Variants in CNOT2 observed in about 807,000 individuals in gnomAD.
CNOT2 encodes the protein CC chemokine receptor 4-negative regulator of transcription 2.
Under a neutral mutation model 72.1 loss-of-function variants are expected in CNOT2, and 7 were observed. The observed-to-expected ratio is 0.10, with a 90% CI of 0.06 to 0.18. The LOEUF (loss-of-function observed/expected upper bound fraction) is 0.18, where lower values mean the gene tolerates loss of function less well. Among genes scored for constraint, CNOT2 ranks in the 10% least tolerant of loss-of-function variants. The probability of loss-of-function intolerance (pLI) is 1.00; values close to 1 mark genes in which losing one functional copy is unlikely to be tolerated. For synonymous variants in CNOT2, 196 were observed against 225.6 expected (o/e 0.87, Z 1.17); for missense variants, 345 against 660.3 (o/e 0.52, Z 5.23).
At chr12:70,349,965 A>C (rs912833607) in intron 15 of CNOT2, among the ~76,000 whole-genome samples, 2 of 151,730 alleles carry the variant, frequency 1.3e-5, no homozygotes, top group African/African-American at 4.8e-5. Context: ...CTGTGATTGC[A>C]TCACTATACT....
intron 1 of CNOT2, among the ~76,000 whole-genome samples, chr12:70,264,200 C>T (rs902951035): frequency 1.3e-5 from 2 of 152,090 alleles, no homozygotes; most frequent in East Asian, 3.9e-4. Flanking sequence ...TTATGAACTG[C>T]GGAGGTCTGT....
chr12:70,249,132 G>A (rs779396010), intron 1 of CNOT2, among the ~76,000 whole-genome samples: 5 of 151,948 alleles, frequency 3.3e-5, no homozygotes, highest in East Asian at 1.9e-4. Flanking sequence ...TGAGAGAGGA[G>A]CATTTGGTTT....
At chr12:70,282,109 T>A (rs936307484) in intron 2 of CNOT2, among the ~76,000 whole-genome samples, 1 of 152,172 alleles carries the variant, frequency 6.6e-6, no homozygotes, top group Admixed American at 6.5e-5. Flanking sequence ...ATGCATGTTG[T>A]TCCAATAAAA....
intron 1 of CNOT2, among the ~76,000 whole-genome samples, chr12:70,258,472 A>G (rs1045920172): frequency 6.6e-6 from 1 of 152,230 alleles, no homozygotes; most frequent in African/African-American, 2.4e-5. Context: ...GTATTTGAAA[A>G]TAGTATTTTG....
chr12:70,333,355 T>G (rs1880229767), intron 7 of CNOT2, among the ~76,000 whole-genome samples: 1 of 151,984 alleles, frequency 6.6e-6, no homozygotes, highest in African/African-American at 2.4e-5. Context: ...ATGTATAAAA[T>G]TTAGTTACAT....
chr12:70,275,410 T>TA (rs1475644904), intron 1 of CNOT2, among the ~76,000 whole-genome samples: 2 of 152,084 alleles, frequency 1.3e-5, no homozygotes, highest in Non-Finnish European at 2.9e-5. Flanking sequence ...CAAATATATT[T>TA]AAAAAATTTA....
chr12:70,250,468 ATTG>A (rs1381197971), intron 1 of CNOT2, among the ~76,000 whole-genome samples: 1 of 152,012 alleles, frequency 6.6e-6, no homozygotes, highest in Non-Finnish European at 1.5e-5. Flanking sequence ...TGACATTGTT[ATTG>A]GATATATGAC....
At chr12:70,347,448 G>C (rs1882324052) in intron 15 of CNOT2, 1 of 152,006 alleles carries the variant, frequency 6.6e-6, no homozygotes, top group African/African-American at 2.4e-5. Flanking sequence ...CTGGGTAACA[G>C]AGAAACCCCG....
chr12:70,260,327 T>C (rs997421805), intron 1 of CNOT2, among the ~76,000 whole-genome samples: 19 of 152,252 alleles, frequency 1.2e-4, no homozygotes, highest in Non-Finnish European at 2.2e-4. Context: ...TGTTTTGTAG[T>C]TTTTATGGTA....
chr12:70,298,590 C>A (rs976507577), intron 2 of CNOT2, among the ~76,000 whole-genome samples: 1 of 152,076 alleles, frequency 6.6e-6, no homozygotes, highest in African/African-American at 2.4e-5. Context: ...TTCCCTGGCA[C>A]AATAATTTAT....
At chr12:70,328,921 T>C (rs906707865) in intron 4 of CNOT2, among the ~76,000 whole-genome samples, 1 of 151,926 alleles carries the variant, frequency 6.6e-6, no homozygotes, top group African/African-American at 2.4e-5. Flanking sequence ...TTGAGAAATA[T>C]GTATAAATAG....
At chr12:70,351,850 A>T (rs1203492647) in intron 15 of CNOT2, among the ~76,000 whole-genome samples, 1 of 152,192 alleles carries the variant, frequency 6.6e-6, no homozygotes, top group Non-Finnish European at 1.5e-5. Flanking sequence ...GGAGAGGGGG[A>T]GTAGTGCTAC....
At chr12:70,253,852 A>T (rs1270381032) in intron 1 of CNOT2, among the ~76,000 whole-genome samples, 2 of 152,320 alleles carry the variant, frequency 1.3e-5, no homozygotes, top group African/African-American at 4.8e-5. Context: ...GATAGCACTG[A>T]ACCTTATATG....
At chr12:70,345,785 G>A (rs1312066314) in intron 14 of CNOT2, 2 of 154,884 alleles carry the variant, frequency 1.3e-5, no homozygotes, top group African/African-American at 4.8e-5. Flanking sequence ...ATCAAATAAT[G>A]CAAATAGTTG....
intron 4 of CNOT2, among the ~76,000 whole-genome samples, chr12:70,328,398 G>C (rs1349386740): frequency 6.6e-6 from 1 of 151,804 alleles, no homozygotes; most frequent in African/African-American, 2.4e-5. Flanking sequence ...TTAATCTCCA[G>C]TTCAGAATAA....
intron 2 of CNOT2, among the ~76,000 whole-genome samples, chr12:70,293,914 C>CTTTTTTTTTTTTT: frequency 1.4e-5 from 1 of 71,314 alleles, no homozygotes; most frequent in Non-Finnish European, 2.6e-5. Flanking sequence ...GTGAGCACTG[C>CTTTTTTTTTTTTT]TTTTTTTTTT....
At chr12:70,252,394 C>G (rs1958182881) in intron 1 of CNOT2, among the ~76,000 whole-genome samples, 2 of 152,056 alleles carry the variant, frequency 1.3e-5, no homozygotes, top group African/African-American at 4.8e-5. Flanking sequence ...TCCATGTTGC[C>G]CAGGGTGGTC....
At chr12:70,311,266 G>C (rs2135957085) in intron 3 of CNOT2, among the ~76,000 whole-genome samples, 1 of 152,094 alleles carries the variant, frequency 6.6e-6, no homozygotes, top group Non-Finnish European at 1.5e-5. Context: ...AGTACTCAAA[G>C]ACATGGAGTA....
intron 2 of CNOT2, among the ~76,000 whole-genome samples, chr12:70,296,768 T>C (rs893460598): frequency 1.9e-4 from 25 of 134,444 alleles, no homozygotes; most frequent in Admixed American, 1.2e-3. Context: ...CCCCCCCCCC[T>C]TTTTAAATTG....
Sources: allele counts gnomAD v4.1 joint callset (sites outside exome capture counted in the v4.1 genomes callset), GRCh38; gene constraint gnomAD v4.1.1; transcripts MANE v1.5; gene names NCBI Gene and HGNC (gene_info 2026-07-23, HGNC 2026-07-21).